Variants in ZNF274 observed in about 807,000 individuals in gnomAD.
ZNF274 encodes the protein zinc finger protein 274.
In ZNF274, 23 loss-of-function variants were observed where a neutral mutation model predicts 42.5. The ratio of observed to expected loss-of-function variants is 0.54; its 90% CI spans 0.39 to 0.77. The LOEUF (loss-of-function observed/expected upper bound fraction) is 0.77. ZNF274 is among the 30% of genes least tolerant of loss of function. The pLI is 0.00. For missense variants in ZNF274, 679 were observed against 806.5 expected (o/e 0.84, Z 1.91); for synonymous variants, 292 against 305.4 (o/e 0.96, Z 0.46).
intron 4 of ZNF274, among the ~76,000 whole-genome samples, chr19:58,197,828 G>A (rs558432155): frequency 6.6e-6 from 1 of 152,302 alleles, no homozygotes; most frequent in East Asian, 1.9e-4. Flanking sequence ...GGAATTCAGT[G>A]AAGCAGAGTC....
At chr19:58,184,525 C>T in intron 2 of ZNF274, 1 of 156,174 alleles carries the variant, frequency 6.4e-6, no homozygotes, top group South Asian at 1.7e-4. Flanking sequence ...GTTGGCCAGG[C>T]TGGTCTGGAA....
chr19:58,186,052 C>T (rs1382207793), intron 3 of ZNF274: 2 of 314,676 alleles, frequency 6.4e-6, no homozygotes, highest in African/African-American at 2.2e-5. Flanking sequence ...GTAGTGGATG[C>T]TTATTGTTCT....
chr19:58,199,113 G>A (rs1156599054), intron 4 of ZNF274, among the ~76,000 whole-genome samples: 5 of 151,964 alleles, frequency 3.3e-5, no homozygotes, highest in Non-Finnish European at 1.5e-5. Flanking sequence ...GTCCTGTAAT[G>A]CTGGCACTTT....
At chr19:58,204,756 G>C (rs925136632) in intron 4 of ZNF274, among the ~76,000 whole-genome samples, 2 of 152,014 alleles carry the variant, frequency 1.3e-5, no homozygotes. Flanking sequence ...TTCCAGTTTT[G>C]TCCTAACACC....
intron 4 of ZNF274, among the ~76,000 whole-genome samples, chr19:58,204,675 A>G (rs1204751178): frequency 1.3e-5 from 2 of 152,200 alleles, no homozygotes; most frequent in Non-Finnish European, 2.9e-5. Flanking sequence ...CGCTAAAAGT[A>G]GTGCAGGTTT....
At chr19:58,203,867 T>C (rs192030562) in intron 4 of ZNF274, among the ~76,000 whole-genome samples, 350 of 152,282 alleles carry the variant, frequency 2.3e-3, no homozygotes, top group Non-Finnish European at 4.2e-3. Context: ...AGACTGGTAA[T>C]GGTCGAAAAT....
chr19:58,192,456 A>G (rs912872325), intron 4 of ZNF274, among the ~76,000 whole-genome samples: 2 of 152,192 alleles, frequency 1.3e-5, no homozygotes, highest in African/African-American at 4.8e-5. Context: ...GAGGGATGAA[A>G]GAACAAGCCA....
intron 3 of ZNF274, 76 bp from the exon 4 acceptor site, chr19:58,186,871 G>T (rs1246609004): frequency 1.6e-6 from 2 of 1,277,364 alleles, no homozygotes; most frequent in African/African-American, 1.5e-5. Context: ...AGCTGGAGAC[G>T]GCTTGTGCTG....
At chr19:58,199,064 C>T (rs1489711143) in intron 4 of ZNF274, among the ~76,000 whole-genome samples, 3 of 151,938 alleles carry the variant, frequency 2.0e-5, no homozygotes, top group Non-Finnish European at 4.4e-5. Flanking sequence ...CTCTGAAATA[C>T]TATTAAAATG....
chr19:58,201,497 T>C (rs2146226336), intron 4 of ZNF274, among the ~76,000 whole-genome samples: 1 of 148,760 alleles, frequency 6.7e-6, no homozygotes. Flanking sequence ...GTTCCTAGCC[T>C]ATCCCAGCAT....
rs747641307 is a variant in ZNF274, at chr19:58,212,421, A to G, written c.1240A>G (p.Thr414Ala). ...ESQANSGALD[T>A]NQVSLQKIDN... ...CCAGGCAAACAGTGGTGCTCTTGACACAAACCAAGTTTCGCTCCAGAAAAT... is the reference window on the plus strand; with the variant it reads ...CCAGGCAAACAGTGGTGCTCTTGACGCAAACCAAGTTTCGCTCCAGAAAAT... Residue 414 changes from threonine to alanine, a missense_variant, in exon 8 of 8, where the codon ACA becomes GCA. Transcript: ENST00000617501. This position sits in a 1 kb window ranked among gnomAD's most constrained non-coding sequence, Gnocchi z 4.6. The G allele has an allele frequency of 6.2e-7, 1 of 1,612,802 alleles. No homozygotes were observed. The highest frequency in any genetic ancestry group is 2.2e-5 in the East Asian group (1 of 44,904).
intron 4 of ZNF274, among the ~76,000 whole-genome samples, chr19:58,191,840 T>C (rs2075782038): frequency 1.3e-5 from 2 of 152,224 alleles, no homozygotes; most frequent in South Asian, 4.1e-4. Flanking sequence ...TGGAGGGCCT[T>C]TTCTGTCCCA....
intron 4 of ZNF274, among the ~76,000 whole-genome samples, chr19:58,205,868 T>G (rs552792822): frequency 1.3e-5 from 2 of 152,322 alleles, no homozygotes; most frequent in African/African-American, 4.8e-5. Context: ...ACATGTACAG[T>G]GTCACAGATC....
At chr19:58,201,171 A>ATTTT (rs35433225) in intron 4 of ZNF274, among the ~76,000 whole-genome samples, 2 of 112,710 alleles carry the variant, frequency 1.8e-5, no homozygotes, top group African/African-American at 3.3e-5. Context: ...CGCCTGGCTA[A>ATTTT]TTTTTTTTTT....
At chr19:58,184,723 G>A (rs2075675639) in intron 2 of ZNF274, 1 of 152,332 alleles carries the variant, frequency 6.6e-6, no homozygotes, top group South Asian at 2.1e-4. Flanking sequence ...AGAAGCATCA[G>A]GGCCCTGGGT....
intron 4 of ZNF274, among the ~76,000 whole-genome samples, chr19:58,203,752 C>T (rs2075946061): frequency 6.6e-6 from 1 of 152,040 alleles, no homozygotes; most frequent in Admixed American, 6.5e-5. Flanking sequence ...AGGCCAAGCC[C>T]CCAAAATGAA....
At chr19:58,201,868 G>A (rs761462372) in intron 4 of ZNF274, among the ~76,000 whole-genome samples, 12 of 152,142 alleles carry the variant, frequency 7.9e-5, no homozygotes, top group Non-Finnish European at 1.0e-4. Flanking sequence ...GGCAGCCTTC[G>A]TGAAATGATG....
rs141690613 is a variant in ZNF274, at chr19:58,189,751, A to G, written c.256+2709A>G. 6.6e-5 allele frequency among the ~76,000 whole-genome samples: 10 copies of G among 152,314 alleles called. No homozygotes were observed. The East Asian group carries it at 1.2e-3, about 18-fold the overall frequency. On this transcript the variant is annotated intron_variant, in intron 4 of 7. Coordinates refer to ENST00000617501, the MANE Select transcript of ZNF274 (RefSeq NM_133502.3). ...ATTTAATTAGGTTTTCATTATTACTATTACCTGATCAGGTTAATCCTGCCT... is the reference window on the plus strand; with the variant it reads ...ATTTAATTAGGTTTTCATTATTACTGTTACCTGATCAGGTTAATCCTGCCT...
At position 58,185,715 on chromosome 19, in the gene ZNF274, C is replaced by T; in HGVS notation, c.37C>T (p.Pro13Ser). 1 of 1,442,514 alleles carries T rather than the reference C, an allele frequency of 6.9e-7. No homozygotes were observed. Among genetic ancestry groups the T allele is most frequent in the Non-Finnish European group, 9.2e-7 (1 of 1,092,306 alleles). 89.4% of individuals were successfully genotyped at this position (1,442,514 alleles called of 1,614,324 possible). A position where few individuals can be genotyped will look rare whatever the true frequency, so the allele number is the denominator to read the frequency against. ...SRLPTAWSCE[P>S]VTFEDVTLGF... is the part of the protein sequence containing the mutation. ...GAACAAGAATCTGGATTTTTAGGAA[C>T]CAGTGACCTTTGAAGATGTAACACT... The change falls in exon 3 of 8, where the codon CCA (proline) becomes TCA (serine). Residue 13 changes from proline to serine, a missense_variant. Pro to Ser is a moderately conservative substitution (Grantham distance 74). Around this residue, in one of 2 missense-constraint regions of ZNF274, gnomAD observed 223 missense variants for 216.4 expected, o/e 1.03. Transcript: ENST00000617501.
Sources: allele counts gnomAD v4.1 joint callset (sites outside exome capture counted in the v4.1 genomes callset), GRCh38; gene constraint gnomAD v4.1.1; regional missense constraint gnomAD v4.1.1; non-coding constraint Gnocchi (gnomAD v3.1); transcripts MANE v1.5; gene names NCBI Gene and HGNC (gene_info 2026-07-23, HGNC 2026-07-21).